Variants in TDRD9 observed in about 807,000 individuals in gnomAD.
The protein encoded by TDRD9 is ATP-dependent RNA helicase TDRD9.
In TDRD9, 124 loss-of-function variants were observed where a neutral mutation model predicts 172.6. The observed-to-expected ratio is 0.72, with a 90% CI of 0.62 to 0.83. The LOEUF is 0.83. Among genes scored for constraint, TDRD9 ranks in the 40% least tolerant of loss-of-function variants. The probability of loss-of-function intolerance (pLI) is 0.00; values close to 1 mark genes in which losing one functional copy is unlikely to be tolerated. For missense variants in TDRD9, 1,479 were observed against 1,714.1 expected (o/e 0.86, Z 2.42); for synonymous variants, 619 against 617.1 (o/e 1.00, Z -0.05).
intron 9 of TDRD9, among the ~76,000 whole-genome samples, chr14:103,992,794 G>T (rs896632165): frequency 1.3e-5 from 2 of 151,898 alleles, no homozygotes; most frequent in East Asian, 3.9e-4. Flanking sequence ...GCATGGTGGC[G>T]GGCACCTGTG....
chr14:103,965,672 TTG>T, intron 4 of TDRD9, 118 bp downstream of exon 4: 2 of 912,126 alleles, frequency 2.2e-6, no homozygotes, highest in Non-Finnish European at 3.3e-6. Context: ...TGAAAATTAG[TTG>T]TGTCTCATGC....
rs1216987129 is a variant in TDRD9, at chr14:103,928,463, C to G, written c.-47C>G. On this transcript the variant is annotated 5_prime_UTR_variant, in exon 1 of 36. Transcript: ENST00000409874. ...GCGCTTCCGCCGTCGCCTGTTCCCG[C>G]CGCGGAGACCCGGCAGTTGGGGGAT... 7.0e-7 allele frequency: 1 copy of G among 1,420,252 alleles called. No individual in the cohort carries two copies. The highest frequency in any genetic ancestry group is 9.3e-7 in the Non-Finnish European group (1 of 1,077,350). 88.0% of individuals were successfully genotyped at this position (1,420,252 alleles called of 1,614,324 possible). A position where few individuals can be genotyped will look rare whatever the true frequency, so the allele number is the denominator to read the frequency against.
chr14:103,928,981 A>C (rs2030178278), intron 1 of TDRD9: 1 of 181,194 alleles, frequency 5.5e-6, no homozygotes, highest in African/African-American at 2.8e-5. Context: ...TTTTTGAGGC[A>C]CTCAGGTTTT....
At chr14:103,999,474 G>A (rs2034177471) in intron 13 of TDRD9, among the ~76,000 whole-genome samples, 2 of 152,200 alleles carry the variant, frequency 1.3e-5, no homozygotes, top group South Asian at 4.1e-4. Flanking sequence ...GGGCAGAGAT[G>A]AGGGTGTGTG....
In TDRD9 at chr14:103,970,525, C is replaced by T. The variant is rs1271427399; in HGVS notation, c.766-16C>T. 1.3e-6 allele frequency: 2 copies of T among 1,549,798 alleles called. No individual in the cohort carries two copies. Among genetic ancestry groups the T allele is most frequent in the African/African-American group, 2.7e-5 (2 of 72,988 alleles). ...CCTGATGCCATGTGGGGGGTGCCCC[C>T]TTTTTTATTTTGTAGGTACACGAAC... On this transcript the variant is annotated splice_polypyrimidine_tract_variant and intron_variant, in intron 5 of 35. Coordinates refer to ENST00000409874, the MANE Select transcript of TDRD9 (RefSeq NM_153046.3).
chr14:103,986,140 A>G (rs2033650284), intron 7 of TDRD9, 77 bp from the exon 8 acceptor site: 1 of 1,005,006 alleles, frequency 1.0e-6, no homozygotes, highest in African/African-American at 1.6e-5. Context: ...TAATGGTGAG[A>G]GCCAGTCCCA....
intron 20 of TDRD9, among the ~76,000 whole-genome samples, chr14:104,012,015 G>A (rs2034627980): frequency 6.6e-6 from 1 of 152,160 alleles, no homozygotes; most frequent in South Asian, 2.1e-4. Context: ...AATTCTCTCA[G>A]CAACAGTGTG....
At chr14:103,938,925 A>G (rs1452568366) in intron 1 of TDRD9, among the ~76,000 whole-genome samples, 1 of 152,224 alleles carries the variant, frequency 6.6e-6, no homozygotes, top group Non-Finnish European at 1.5e-5. Context: ...GGATATGAGT[A>G]TTAGGTTTGC....
intron 15 of TDRD9, among the ~76,000 whole-genome samples, chr14:104,006,098 T>A (rs1033906818): frequency 2.6e-5 from 4 of 152,170 alleles, no homozygotes; most frequent in African/African-American, 9.7e-5. Flanking sequence ...ATCCTTCACT[T>A]AGTACTGTGC....
At chr14:104,043,519 C>G (rs148909996) in intron 34 of TDRD9, among the ~76,000 whole-genome samples, 2,477 of 152,222 alleles carry the variant, frequency 0.016, 70 homozygotes, top group African/African-American at 0.057. Context: ...CAGGTGTGAG[C>G]CACCATGCCT....
intron 5 of TDRD9, among the ~76,000 whole-genome samples, chr14:103,968,783 G>A (rs1340846038): frequency 0.041 from 116 of 2,820 alleles, no homozygotes; most frequent in South Asian, 0.16. Context: ...GCGACAGAGT[G>A]AGACTCTGTC....
At chr14:103,940,962 G>A in intron 1 of TDRD9, 3 of 1,535,420 alleles carry the variant, frequency 2.0e-6, no homozygotes, top group Non-Finnish European at 2.6e-6. Context: ...AAGGAGCAGA[G>A]CAGTCCATGC....
intron 8 of TDRD9, among the ~76,000 whole-genome samples, chr14:103,989,897 C>A (rs907439850): frequency 2.6e-5 from 4 of 152,262 alleles, no homozygotes; most frequent in African/African-American, 9.6e-5. Context: ...TGAAAGCCTT[C>A]TCCACTGTGG....
chr14:104,049,547 C>CA, intron 34 of TDRD9, 61 bp from the exon 35 acceptor site: 1 of 1,344,158 alleles, frequency 7.4e-7, no homozygotes, highest in South Asian at 1.4e-5. Flanking sequence ...TTAAAAAAAT[C>CA]ACAGCAGTGT....
chr14:104,008,545 T>G, intron 20 of TDRD9, 79 bp downstream of exon 20: 1 of 950,952 alleles, frequency 1.1e-6, no homozygotes, highest in South Asian at 1.4e-5. Context: ...CAATATTTAT[T>G]AAGTACGTGG....
chr14:103,974,293 C>A (rs1485651493), intron 6 of TDRD9, among the ~76,000 whole-genome samples: 1 of 152,240 alleles, frequency 6.6e-6, no homozygotes, highest in African/African-American at 2.4e-5. Flanking sequence ...AGCCGGACTG[C>A]TGTGCCCACT....
At chr14:104,017,923 T>C (rs938283109) in intron 22 of TDRD9, among the ~76,000 whole-genome samples, 169 bp from the exon 23 acceptor site, 2 of 152,246 alleles carry the variant, frequency 1.3e-5, no homozygotes, top group Non-Finnish European at 2.9e-5. Flanking sequence ...TTAGTTAGAA[T>C]TTAAAAGTCT....
chr14:103,932,854 A>T (rs981931672), intron 1 of TDRD9, among the ~76,000 whole-genome samples: 5 of 152,172 alleles, frequency 3.3e-5, no homozygotes, highest in African/African-American at 1.2e-4. Flanking sequence ...GCAGAAGAAC[A>T]TGGGCAATTT....
intron 1 of TDRD9, among the ~76,000 whole-genome samples, chr14:103,954,317 T>G (rs190444399): frequency 6.6e-6 from 1 of 152,346 alleles, no homozygotes; most frequent in East Asian, 1.9e-4. Context: ...CTGGAATCCT[T>G]AATAGCGTCA....
Sources: gnomAD v4.1 joint callset for allele counts (sites outside exome capture counted in the v4.1 genomes callset) on GRCh38, gnomAD v4.1.1 for gene constraint, MANE v1.5 for transcripts, NCBI Gene and HGNC (gene_info 2026-07-23, HGNC 2026-07-21) for gene names.